CCDC91: variants seen among roughly 807,000 people sequenced by gnomAD.
CCDC91 encodes coiled-coil domain containing 91, also known as coiled-coil domain-containing protein 91.
In CCDC91, 48 loss-of-function variants were observed where a neutral mutation model predicts 63.2. The ratio of observed to expected loss-of-function variants is 0.76; its 90% confidence interval spans 0.60 to 0.97. CCDC91 has a LOEUF of 0.97. Ranked by LOEUF, CCDC91 falls within the 50% of genes least tolerant of loss-of-function variation. The probability of loss-of-function intolerance (pLI) is 0.00; values close to 1 mark genes in which losing one functional copy is unlikely to be tolerated. For missense variants in CCDC91, 500 were observed against 494.6 expected (o/e 1.01, Z -0.10); for synonymous variants, 167 against 165.8 (o/e 1.01, Z -0.06).
intron 8 of CCDC91, among the ~76,000 whole-genome samples, chr12:28,442,142 A>G (rs1012635787): frequency 1.4e-4 from 21 of 152,102 alleles, no homozygotes; most frequent in African/African-American, 3.9e-4. Context: ...AAGTGTGAAA[A>G]GACCAACCAC....
At chr12:28,391,010 T>G (rs78474305) in intron 7 of CCDC91, among the ~76,000 whole-genome samples, 1,698 of 151,740 alleles carry the variant, frequency 0.011, 38 homozygotes, top group African/African-American at 0.04. Context: ...AAATTTATAT[T>G]TAACAGAACT....
At chr12:28,458,503 T>A (rs1409857286) in intron 11 of CCDC91, among the ~76,000 whole-genome samples, 1 of 123,078 alleles carries the variant, frequency 8.1e-6, no homozygotes, top group Non-Finnish European at 1.6e-5. Context: ...GGAGTCTCAC[T>A]CTGTCGCCCA....
chr12:28,234,205 A>G (rs892275433), intron 1 of CCDC91, among the ~76,000 whole-genome samples: 7 of 152,176 alleles, frequency 4.6e-5, no homozygotes, highest in African/African-American at 1.7e-4. Context: ...TTTATAACAT[A>G]TTTGTAGTGT....
intron 11 of CCDC91, among the ~76,000 whole-genome samples, chr12:28,470,051 A>G (rs1434652322): frequency 2.0e-5 from 3 of 152,174 alleles, no homozygotes; most frequent in Admixed American, 6.6e-5. Flanking sequence ...TTACCCTACA[A>G]GCACAAGCAA....
chr12:28,356,941 C>G (rs772009010), intron 6 of CCDC91, among the ~76,000 whole-genome samples: 5 of 152,152 alleles, frequency 3.3e-5, no homozygotes, highest in Non-Finnish European at 7.4e-5. Context: ...ATTCCAAACA[C>G]ATCAATTAAA....
chr12:28,414,732 T>G (rs1358166357), intron 8 of CCDC91, among the ~76,000 whole-genome samples: 1 of 152,204 alleles, frequency 6.6e-6, no homozygotes, highest in Non-Finnish European at 1.5e-5. Context: ...TGATATATTG[T>G]TACAAGACAC....
At chr12:28,446,419 G>A (rs1949503298) in intron 8 of CCDC91, among the ~76,000 whole-genome samples, 1 of 152,012 alleles carries the variant, frequency 6.6e-6, no homozygotes, top group African/African-American at 2.4e-5. Flanking sequence ...CTGACTCAAA[G>A]GAACAAATAA....
Position 28,244,494 on chromosome 12 carries a change from C to CTTTTTTT in CCDC91, c.-14-12682_-14-12676dup, listed in dbSNP as rs3064681. ...GAAACTTGGACAATGTAGAAGAAGG[C>CTTTTTTT]TTTTTTTTTTTTTTTTTTTTTTTTT... On this transcript the variant is annotated intron_variant, in intron 1 of 12. Coordinates refer to ENST00000536442, the MANE Select transcript of CCDC91 (RefSeq NM_018318.5). 1.5e-3 allele frequency among the ~76,000 whole-genome samples: 56 copies of CTTTTTTT among 38,430 alleles called. 13 individuals carry two copies. Among genetic ancestry groups the CTTTTTTT allele is most frequent in the African/African-American group, 3.7e-3 (32 of 8,608 alleles). The allele number at this position is 38,430 out of a possible 152,430, so 25.2% of individuals were successfully genotyped here.
chr12:28,221,545 C>T (rs1943951828), intron 1 of CCDC91, among the ~76,000 whole-genome samples: 1 of 152,162 alleles, frequency 6.6e-6, no homozygotes, highest in Non-Finnish European at 1.5e-5. Flanking sequence ...ATGTCACTAG[C>T]AATCAGTTGG....
intron 12 of CCDC91, among the ~76,000 whole-genome samples, chr12:28,541,979 T>A (rs1338178535): frequency 6.6e-6 from 1 of 152,154 alleles, no homozygotes; most frequent in Non-Finnish European, 1.5e-5. Flanking sequence ...CCTTTGCTTT[T>A]CTCTAAAATT....
chr12:28,514,460 T>TG (rs147674440), intron 12 of CCDC91, among the ~76,000 whole-genome samples: 31,665 of 151,510 alleles, frequency 0.21, 4,337 homozygotes, highest in Non-Finnish European at 0.31. Context: ...TAGTTTTTTT[T>TG]TTTGTTTGTT....
intron 12 of CCDC91, 148 bp from the exon 13 acceptor site, chr12:28,548,915 C>A: frequency 1.8e-6 from 1 of 548,456 alleles, no homozygotes; most frequent in Non-Finnish European, 3.3e-6. Flanking sequence ...AGTGACTTTA[C>A]TGTCATTCAG....
chr12:28,329,231 G>T (rs1318758597), intron 6 of CCDC91, among the ~76,000 whole-genome samples: 1 of 152,118 alleles, frequency 6.6e-6, no homozygotes, highest in South Asian at 2.1e-4. Context: ...TATTACTAAA[G>T]CAAGGTGTTT....
At chr12:28,204,509 T>C (rs1266263402) in intron 1 of CCDC91, among the ~76,000 whole-genome samples, 1 of 152,186 alleles carries the variant, frequency 6.6e-6, no homozygotes, top group African/African-American at 2.4e-5. Context: ...CAATTCCTAG[T>C]GTAAGCAATT....
At chr12:28,415,397 A>AT (rs754719539) in intron 8 of CCDC91, among the ~76,000 whole-genome samples, 4 of 151,574 alleles carry the variant, frequency 2.6e-5, no homozygotes, top group Non-Finnish European at 5.9e-5. Context: ...CTAATTTTTT[A>AT]TTTTTAGTAG....
chr12:28,382,257 A>C (rs762499702), intron 7 of CCDC91, among the ~76,000 whole-genome samples: 1 of 151,774 alleles, frequency 6.6e-6, no homozygotes, highest in African/African-American at 2.4e-5. Context: ...ATGGAACTGA[A>C]TTAATTGGGA....
chr12:28,493,054 T>G (rs573128064), intron 12 of CCDC91, among the ~76,000 whole-genome samples: 1 of 151,666 alleles, frequency 6.6e-6, no homozygotes, highest in Admixed American at 6.6e-5. Context: ...AGAAAAAATA[T>G]ATAAAAGAAC....
In CCDC91 at chr12:28,259,462, AG is replaced by A. The variant is rs202223182; in HGVS notation, c.109+23del. ...CTGCAGGTATTGGTATCCAGGAATT[AG>A]GGTTTTTTTTTTTTTTTTTCCCATG... On this transcript the variant is annotated intron_variant, in intron 3 of 12. Transcript: ENST00000536442. 0.029 allele frequency: 30,878 copies of A among 1,050,214 alleles called. 560 individuals are homozygous for A. The highest frequency in any genetic ancestry group is 0.046 in the Middle Eastern group (199 of 4,296). The allele number at this position is 1,050,214 out of a possible 1,614,324, so 65.1% of individuals were successfully genotyped here. A position where few individuals can be genotyped will look rare whatever the true frequency, so the allele number is the denominator to read the frequency against.
chr12:28,476,768 TA>T (rs1376235947), intron 11 of CCDC91, among the ~76,000 whole-genome samples: 2 of 151,616 alleles, frequency 1.3e-5, no homozygotes, highest in African/African-American at 4.9e-5. Flanking sequence ...ATAGATGCAA[TA>T]AAAAATGATA....
Sources: gnomAD v4.1 joint callset for allele counts (sites outside exome capture counted in the v4.1 genomes callset) on GRCh38, gnomAD v4.1.1 for gene constraint, MANE v1.5 for transcripts, NCBI Gene and HGNC (gene_info 2026-07-23, HGNC 2026-07-21) for gene names.